Variants in ZNF536 observed in about 807,000 individuals in gnomAD.
ZNF536 encodes zinc finger protein 536.
Under a neutral mutation model 84.5 loss-of-function variants are expected in ZNF536, and 13 were observed. The ratio of observed to expected loss-of-function variants is 0.15; its 90% CI spans 0.10 to 0.24. The LOEUF (loss-of-function observed/expected upper bound fraction) is 0.24. Ranked by LOEUF, ZNF536 falls within the 10% of genes least tolerant of loss-of-function variation. ZNF536 has a pLI of 1.00. For missense variants in ZNF536, 1,536 were observed against 1,747.5 expected, an observed-to-expected ratio of 0.88 and a Z score of 2.16; for synonymous variants, 811 against 742.5, an observed-to-expected ratio of 1.09 and a Z score of -1.50.
intron 2 of ZNF536, among the ~76,000 whole-genome samples, chr19:30,446,589 T>C (rs1158245538): frequency 6.6e-6 from 1 of 152,100 alleles, no homozygotes; most frequent in Non-Finnish European, 1.5e-5. Context: ...ACAACGTGGC[T>C]CACCTGCCAG....
At chr19:30,541,522 A>G (rs2045332945) in intron 3 of ZNF536, among the ~76,000 whole-genome samples, 1 of 152,048 alleles carries the variant, frequency 6.6e-6, no homozygotes, top group South Asian at 2.1e-4. Flanking sequence ...TCTGTTCCCT[A>G]TCCTTGCTTT....
At chr19:30,248,092 G>A (rs994746311) in intron 1 of ZNF536, among the ~76,000 whole-genome samples, 2 of 152,156 alleles carry the variant, frequency 1.3e-5, no homozygotes, top group African/African-American at 2.4e-5. Flanking sequence ...CTCTGCATTC[G>A]AATTCAAACC....
intron 2 of ZNF536, among the ~76,000 whole-genome samples, chr19:30,316,704 A>T (rs751267162): frequency 6.6e-6 from 1 of 152,266 alleles, no homozygotes; most frequent in South Asian, 2.1e-4. Flanking sequence ...TTTGCTCTTC[A>T]TTCCATGGGT....
At chr19:30,449,243 G>A (rs534959931) in intron 2 of ZNF536, among the ~76,000 whole-genome samples, 28 of 152,230 alleles carry the variant, frequency 1.8e-4, no homozygotes, top group Admixed American at 7.8e-4. Context: ...TGTAGCCTCC[G>A]TGTACAATGC....
chr19:30,298,081 T>C (rs1190819868), intron 2 of ZNF536, among the ~76,000 whole-genome samples: 1 of 152,102 alleles, frequency 6.6e-6, no homozygotes, highest in African/African-American at 2.4e-5. Flanking sequence ...GGTTTCATCA[T>C]ATTGGTCAGG....
intron 1 of ZNF536, among the ~76,000 whole-genome samples, chr19:30,431,195 C>T (rs1406523689): frequency 3.9e-5 from 6 of 152,176 alleles, no homozygotes; most frequent in Non-Finnish European, 7.4e-5. Flanking sequence ...CCAGCTCCCC[C>T]AGAACCTGCG....
intron 2 of ZNF536, among the ~76,000 whole-genome samples, chr19:30,450,591 C>T (rs1303170239): frequency 1.3e-5 from 2 of 152,108 alleles, no homozygotes; most frequent in South Asian, 4.1e-4. Context: ...ATTTTTTTAG[C>T]CCAGGCTCAA....
At chr19:30,269,606 A>G (rs746401134) in intron 1 of ZNF536, among the ~76,000 whole-genome samples, 3 of 152,138 alleles carry the variant, frequency 2.0e-5, no homozygotes, top group Non-Finnish European at 4.4e-5. Flanking sequence ...GGTACTTGAG[A>G]TTTCGACATT....
intron 1 of ZNF536, among the ~76,000 whole-genome samples, chr19:30,387,099 TG>T (rs1388170745): frequency 6.6e-6 from 1 of 152,006 alleles, no homozygotes; most frequent in African/African-American, 2.4e-5. Flanking sequence ...AGAGAAAAGG[TG>T]TTTGGTCAAA....
chr19:30,447,419 C>T (rs1444226761), intron 2 of ZNF536, among the ~76,000 whole-genome samples: 1 of 152,216 alleles, frequency 6.6e-6, no homozygotes. Context: ...CTGGTCTGCA[C>T]ATTCCAGAGA....
At chr19:30,405,842 A>G (rs1302722296) in intron 1 of ZNF536, among the ~76,000 whole-genome samples, 1 of 151,610 alleles carries the variant, frequency 6.6e-6, no homozygotes, top group Non-Finnish European at 1.5e-5. Context: ...CACTGGCACA[A>G]TCTCCACTCA....
chr19:30,535,075 G>C (rs1171769313), intron 3 of ZNF536, 76 bp downstream of exon 3: 5 of 1,501,764 alleles, frequency 3.3e-6, no homozygotes, highest in Non-Finnish European at 4.5e-6. Context: ...TTCTGGCCCA[G>C]GTCCACAGCT....
intron 1 of ZNF536, among the ~76,000 whole-genome samples, chr19:30,414,311 C>T (rs1163242096): frequency 6.6e-6 from 1 of 151,972 alleles, no homozygotes; most frequent in East Asian, 1.9e-4. Flanking sequence ...TTAACCTAAT[C>T]CAATATTTGA....
At chr19:30,329,986 A>T (rs2047157410) in intron 2 of ZNF536, among the ~76,000 whole-genome samples, 1 of 152,232 alleles carries the variant, frequency 6.6e-6, no homozygotes, top group African/African-American at 2.4e-5. Flanking sequence ...GTGATAATTT[A>T]TAATCTTATG....
intron 2 of ZNF536, among the ~76,000 whole-genome samples, chr19:30,456,659 C>T (rs926519402): frequency 6.6e-6 from 1 of 152,208 alleles, no homozygotes; most frequent in Non-Finnish European, 1.5e-5. Flanking sequence ...TTTGTTCAAT[C>T]ATTAATTCAC....
intron 1 of ZNF536, among the ~76,000 whole-genome samples, chr19:30,379,034 G>A (rs2048919816): frequency 6.6e-6 from 1 of 152,190 alleles, no homozygotes; most frequent in South Asian, 2.1e-4. Flanking sequence ...CTTTGGTCCT[G>A]AAGATGGGCA....
At chr19:30,287,219 A>G (rs2045660189) in intron 2 of ZNF536, among the ~76,000 whole-genome samples, 1 of 118,174 alleles carries the variant, frequency 8.5e-6, no homozygotes, top group Non-Finnish European at 1.6e-5. Flanking sequence ...AGATGGGTGG[A>G]TGGATGGATA....
chr19:30,579,048 A>G (rs959575996), intron 1 of ZNF536, among the ~76,000 whole-genome samples: 1 of 152,224 alleles, frequency 6.6e-6, no homozygotes, highest in Admixed American at 6.5e-5. Flanking sequence ...AAGATTACAC[A>G]TGTAAAGTCT....
chr19:30,413,055 T>C (rs2053069), intron 1 of ZNF536, among the ~76,000 whole-genome samples: 64,807 of 151,972 alleles, frequency 0.43, 16,347 homozygotes, highest in Non-Finnish European at 0.57. Flanking sequence ...GTGTTTTGTA[T>C]CTGAATTTTT....
Sources: allele counts gnomAD v4.1 joint callset (sites outside exome capture counted in the v4.1 genomes callset), GRCh38; gene constraint gnomAD v4.1.1; transcripts MANE v1.5; gene names NCBI Gene and HGNC (gene_info 2026-07-23, HGNC 2026-07-21).